MACROD2: variants seen among roughly 807,000 people sequenced by gnomAD.
MACROD2 encodes the protein ADP-ribose glycohydrolase MACROD2.
MACROD2 carries 36 observed loss-of-function variants against 70.4 expected under a neutral mutation model. The observed-to-expected ratio is 0.51, with a 90% confidence interval of 0.39 to 0.68. The LOEUF (loss-of-function observed/expected upper bound fraction) is 0.68, where lower values mean the gene tolerates loss of function less well. MACROD2 is among the 30% of genes least tolerant of loss of function. The pLI, the probability that MACROD2 is intolerant of heterozygous loss-of-function variation, is 0.00. For synonymous variants in MACROD2, 172 were observed against 178.8 expected (o/e 0.96, Z 0.30); for missense variants, 496 against 538.4 (o/e 0.92, Z 0.78).
At chr20:14,199,743 C>A (rs6042581) in intron 3 of MACROD2, among the ~76,000 whole-genome samples, 143,864 of 152,218 alleles carry the variant, frequency 0.95, 68,025 homozygotes, top group East Asian at 0.99. Flanking sequence ...ATGTACCAGG[C>A]TAATTATTTT....
Position 15,044,524 on chromosome 20 carries a change from A to G in MACROD2, c.419-185416A>G, listed in dbSNP as rs1600992125. On this transcript the variant is annotated intron_variant, in intron 5 of 17. Transcript: ENST00000684519. ...TCTTTCCCATTCTCTCTGCCTGGAG[A>G]GCTGATCTGTATGGACTGTCTCAAT... Among the ~76,000 whole-genome samples the G allele has an allele frequency of 2.6e-5, 4 of 151,792 alleles. 1 individual carries two copies. Among genetic ancestry groups the G allele is most frequent in the Admixed American group, 2.6e-4 (4 of 15,270 alleles).
intron 5 of MACROD2, among the ~76,000 whole-genome samples, chr20:15,010,559 A>G (rs1162107170): frequency 2.0e-5 from 3 of 152,236 alleles, no homozygotes; most frequent in South Asian, 4.1e-4. Flanking sequence ...CCTTAAGTCT[A>G]CTTGTGTCAA....
chr20:15,987,503 C>A (rs2066502966), intron 15 of MACROD2, among the ~76,000 whole-genome samples: 1 of 152,058 alleles, frequency 6.6e-6, no homozygotes, highest in African/African-American at 2.4e-5. Flanking sequence ...GGCTTTAGAG[C>A]AAATAGACTG....
At chr20:15,768,665 T>C (rs1448907705) in intron 8 of MACROD2, among the ~76,000 whole-genome samples, 1 of 152,254 alleles carries the variant, frequency 6.6e-6, no homozygotes, top group African/African-American at 2.4e-5. Context: ...TTTTACTTTA[T>C]GATTTTTAAC....
In MACROD2 at chr20:15,163,980, T is replaced by G. The variant is rs530183123; in HGVS notation, c.419-65960T>G. Reference sequence around the variant, plus strand: ...CCTTCTGAGGACACTTGCATTCTACTGGGGGAGGCAGACAAAAAGTAAAGT... The same window carrying G: ...CCTTCTGAGGACACTTGCATTCTACGGGGGGAGGCAGACAAAAAGTAAAGT... On this transcript the variant is annotated intron_variant, in intron 5 of 17. Coordinates refer to ENST00000684519, the MANE Select transcript of MACROD2 (RefSeq NM_001351661.2). Among the ~76,000 whole-genome samples, 3 of 152,116 alleles carry G rather than the reference T, an allele frequency of 2.0e-5. No homozygotes were observed. The East Asian group carries it at 5.8e-4, about 29-fold the overall frequency.
In MACROD2 at chr20:15,602,281, G is replaced by A. The variant is rs117712866; in HGVS notation, c.645+102434G>A. Among the ~76,000 whole-genome samples, 270 of 152,252 alleles carry A rather than the reference G, an allele frequency of 1.8e-3. 1 individual carries two copies. Among genetic ancestry groups the A allele is most frequent in the Admixed American group, 6.5e-3 (100 of 15,294 alleles). ...GACCAATCAACCCAGGAGAACAAAG[G>A]CCTGGCCCGCTAGTTTCAACTCAGC... On this transcript the variant is annotated intron_variant, in intron 8 of 17. Transcript: ENST00000684519.
At chr20:14,393,225 A>G (rs1424617565) in intron 3 of MACROD2, among the ~76,000 whole-genome samples, 1 of 152,202 alleles carries the variant, frequency 6.6e-6, no homozygotes, top group African/African-American at 2.4e-5. Flanking sequence ...TCAGGAGTTT[A>G]GAAAACTTCT....
intron 7 of MACROD2, among the ~76,000 whole-genome samples, chr20:15,482,942 A>G (rs1355291601): frequency 6.6e-6 from 1 of 151,874 alleles, no homozygotes; most frequent in Non-Finnish European, 1.5e-5. Context: ...GAGTTTTAAG[A>G]GTTTCTTGTA....
chr20:15,372,712 A>T (rs541647006), intron 6 of MACROD2, among the ~76,000 whole-genome samples: 2 of 152,158 alleles, frequency 1.3e-5, no homozygotes, highest in Admixed American at 6.6e-5. Context: ...TGTGGAAAAA[A>T]TGTGCAGATC....
chr20:14,694,191 C>G (rs551349269), intron 5 of MACROD2, among the ~76,000 whole-genome samples: 1 of 152,256 alleles, frequency 6.6e-6, no homozygotes, highest in East Asian at 1.9e-4. Flanking sequence ...GAAATGTTCT[C>G]CCTTGCTACA....
At chr20:14,754,506 C>G (rs1407267835) in intron 5 of MACROD2, among the ~76,000 whole-genome samples, 1 of 152,056 alleles carries the variant, frequency 6.6e-6, no homozygotes, top group Non-Finnish European at 1.5e-5. Flanking sequence ...TTCACTTTCT[C>G]TCATTTAGGG....
intron 6 of MACROD2, among the ~76,000 whole-genome samples, chr20:15,268,397 A>G (rs1379271688): frequency 6.6e-6 from 1 of 152,198 alleles, no homozygotes; most frequent in Non-Finnish European, 1.5e-5. Context: ...CACGCCTGTA[A>G]TCCCAGAACT....
chr20:14,364,482 G>C (rs1230038486), intron 3 of MACROD2, among the ~76,000 whole-genome samples: 2 of 152,264 alleles, frequency 1.3e-5, no homozygotes, highest in African/African-American at 4.8e-5. Context: ...ATTTTAAAGT[G>C]AACAACTTAG....
intron 5 of MACROD2, among the ~76,000 whole-genome samples, chr20:14,874,128 G>A (rs769404129): frequency 1.3e-5 from 2 of 151,868 alleles, no homozygotes; most frequent in African/African-American, 4.8e-5. Context: ...TCTTTTTAAA[G>A]TAAGTATTGA....
intron 3 of MACROD2, among the ~76,000 whole-genome samples, chr20:14,427,560 A>G (rs1448328912): frequency 1.3e-5 from 2 of 151,996 alleles, no homozygotes; most frequent in African/African-American, 4.8e-5. Context: ...TCACTATATT[A>G]TATATGTGCA....
intron 8 of MACROD2, among the ~76,000 whole-genome samples, chr20:15,622,763 TGAGA>T (rs1163186780): frequency 1.3e-5 from 2 of 152,168 alleles, no homozygotes; most frequent in Admixed American, 6.5e-5. Context: ...TAAGGTATTT[TGAGA>T]GAGAGAGACC....
At chr20:15,303,541 C>T (rs999466130) in intron 6 of MACROD2, among the ~76,000 whole-genome samples, 4 of 152,182 alleles carry the variant, frequency 2.6e-5, no homozygotes, top group Non-Finnish European at 5.9e-5. Context: ...TACTCTAGTT[C>T]ACTCCATCAA....
At position 15,723,473 on chromosome 20, in the gene MACROD2, G is replaced by C. The variant is rs114464929; in HGVS notation, c.646-139272G>C. Among the ~76,000 whole-genome samples the C allele has an allele frequency of 4.4e-3, 676 of 152,162 alleles. 2 individuals are homozygous for C. The highest frequency in any genetic ancestry group is 0.015 in the African/African-American group (608 of 41,508). ...TCCCGCTCCCAACCCACTGACGATC[G>C]CTGATCTTTATACTGTCCCCATAGT... On this transcript the variant is annotated intron_variant, in intron 8 of 17. Coordinates refer to ENST00000684519, the MANE Select transcript of MACROD2 (RefSeq NM_001351661.2).
At chr20:14,660,790 G>C (rs1986188009) in intron 4 of MACROD2, among the ~76,000 whole-genome samples, 1 of 152,098 alleles carries the variant, frequency 6.6e-6, no homozygotes. Flanking sequence ...TTATAAGTGA[G>C]AACGTGCGAT....
Sources: allele counts gnomAD v4.1 joint callset (sites outside exome capture counted in the v4.1 genomes callset), GRCh38; gene constraint gnomAD v4.1.1; transcripts MANE v1.5; gene names NCBI Gene and HGNC (gene_info 2026-07-23, HGNC 2026-07-21).